The following DYRK2 variants were observed in gnomAD, a reference collection of about 807,000 sequenced individuals.
The protein encoded by DYRK2 is dual specificity tyrosine-phosphorylation-regulated kinase 2.
A neutral mutation model predicts 41.6 loss-of-function variants in DYRK2; 12 were observed. The ratio of observed to expected loss-of-function variants is 0.29; its 90% CI spans 0.18 to 0.47. DYRK2 has a LOEUF of 0.47. Among genes scored for constraint, DYRK2 ranks in the 20% least tolerant of loss-of-function variants. The probability of loss-of-function intolerance (pLI) is 1.00; values close to 1 mark genes in which losing one functional copy is unlikely to be tolerated. For missense variants in DYRK2, 678 were observed against 798.4 expected (o/e 0.85, Z 1.82); for synonymous variants, 322 against 315.7 (o/e 1.02, Z -0.21).
intron 2 of DYRK2, among the ~76,000 whole-genome samples, chr12:67,653,045 G>A (rs1224137671): frequency 7.0e-6 from 1 of 143,054 alleles, no homozygotes; most frequent in Non-Finnish European, 1.5e-5. Context: ...GGCCAGGTTG[G>A]TTATGAACTC....
chr12:67,656,887 C>T (rs766054369), intron 2 of DYRK2, among the ~76,000 whole-genome samples: 6 of 152,126 alleles, frequency 3.9e-5, no homozygotes, highest in East Asian at 3.8e-4. Flanking sequence ...TCTCTGTCTC[C>T]GTGGGGAACC....
intron 1 of DYRK2, 76 bp downstream of exon 1, chr12:67,649,258 G>T: frequency 8.5e-7 from 1 of 1,177,692 alleles, no homozygotes; most frequent in Non-Finnish European, 1.1e-6. Flanking sequence ...GCGGGCGGCC[G>T]CTGCCTGCGG....
At chr12:67,654,318 A>G (rs1299553531) in intron 2 of DYRK2, among the ~76,000 whole-genome samples, 1 of 152,226 alleles carries the variant, frequency 6.6e-6, no homozygotes, top group East Asian at 1.9e-4. Context: ...TAGCCTCTAC[A>G]TTTTAGAGCC....
At chr12:67,655,629 T>A (rs1872446073) in intron 2 of DYRK2, among the ~76,000 whole-genome samples, 1 of 152,182 alleles carries the variant, frequency 6.6e-6, no homozygotes, top group Non-Finnish European at 1.5e-5. Context: ...GAAGTCACAG[T>A]CAGACAGGCC....
rs1192820626 is a variant in DYRK2, at chr12:67,657,484, G to A, written c.577G>A (p.Gly193Ser). 1.2e-6 allele frequency: 2 copies of A among 1,613,992 alleles called. No individual in the cohort carries two copies. Among genetic ancestry groups the A allele is most frequent in the Non-Finnish European group, 1.7e-6 (2 of 1,180,028 alleles). Reference sequence around the variant, plus strand: ...GGGTCTAAATGCTAAGAAGCGCCAGGGCATGACAGGTGGGCCCAACAATGG... The same window carrying A: ...GGGTCTAAATGCTAAGAAGCGCCAGAGCATGACAGGTGGGCCCAACAATGG... ...FLGLNAKKRQ[G>S]MTGGPNNGGY... The change falls in exon 3 of 3, where the codon GGC becomes AGC. Residue 193 changes from glycine to serine, a missense_variant. Gly to Ser is a moderately conservative substitution (Grantham distance 56). Transcript: ENST00000344096. This position sits in a 1 kb window ranked among gnomAD's most constrained non-coding sequence, Gnocchi z 4.8.
rs920062044 is a variant in DYRK2, at chr12:67,648,810, C to T, written c.-324C>T. 1.6e-4 allele frequency: 29 copies of T among 181,736 alleles called. No homozygotes were observed. Among genetic ancestry groups the T allele is most frequent in the Non-Finnish European group, 2.9e-4 (26 of 88,550 alleles). The allele number at this position is 181,736 out of a possible 1,614,324, so 11.3% of individuals were successfully genotyped here. On this transcript the variant is annotated 5_prime_UTR_variant, in exon 1 of 3. Transcript: ENST00000344096. ...CGGTCCTCGCAGCGCTTCCAGCTCCCCGCGCCCCTATGTGAGGGAGACGGG... is the reference window on the plus strand; with the variant it reads ...CGGTCCTCGCAGCGCTTCCAGCTCCTCGCGCCCCTATGTGAGGGAGACGGG...
In DYRK2 at chr12:67,660,984, A is replaced by C. The variant is rs928465431; in HGVS notation, c.*2271A>C. Reference sequence around the variant, plus strand: ...GACTAATACTGCTTGTCTTTCCCCCACCGCACAAAACTGGTTCTTAAGATG... The same window carrying C: ...GACTAATACTGCTTGTCTTTCCCCCCCCGCACAAAACTGGTTCTTAAGATG... On this transcript the variant is annotated 3_prime_UTR_variant, in exon 3 of 3. Coordinates refer to ENST00000344096, the MANE Select transcript of DYRK2 (RefSeq NM_006482.3). 1 of 166,902 alleles carries C rather than the reference A, an allele frequency of 6.0e-6. No individual in the cohort carries two copies. The highest frequency in any genetic ancestry group is 6.6e-5 in the Admixed American group (1 of 15,264). 10.3% of individuals were successfully genotyped at this position (166,902 alleles called of 1,614,324 possible). A position where few individuals can be genotyped will look rare whatever the true frequency, so the allele number is the denominator to read the frequency against.
In DYRK2 at chr12:67,649,082, G is replaced by C. The variant is rs1872222169; in HGVS notation, c.-52G>C. The stretch of plus-strand genomic sequence containing the variant: ...GCGGCGGCCGCCAGAAGTAGCAGCA[G>C]GACCGGCGGCGGCGACGGCAGCCCT... On this transcript the variant is annotated 5_prime_UTR_variant, in exon 1 of 3. Transcript: ENST00000344096. 6.9e-7 allele frequency: 1 copy of C among 1,440,318 alleles called. No individual in the cohort carries two copies. The highest frequency in any genetic ancestry group is 1.5e-5 in the African/African-American group (1 of 67,716). 89.2% of individuals were successfully genotyped at this position (1,440,318 alleles called of 1,614,324 possible).
chr12:67,657,987 T>C lies in DYRK2; in HGVS notation c.1080T>C (p.Gly360=). ...AGAACATTTTGTTAAAGCAGCAGGG[T>C]AGAAGCGGTATTAAAGTAATTGATT... ...KPENILLKQQ[G]RSGIKVIDFG... Residue 360 remains glycine (G), a synonymous_variant, in exon 3 of 3, where the codon GGT becomes GGC. Coordinates refer to ENST00000344096, the MANE Select transcript of DYRK2 (RefSeq NM_006482.3). The surrounding 1 kb of genome is among the most constrained non-coding windows in gnomAD (Gnocchi z 4.8). 6.2e-7 allele frequency: 1 copy of C among 1,614,220 alleles called. No homozygotes were observed. Among genetic ancestry groups the C allele is most frequent in the Non-Finnish European group, 8.5e-7 (1 of 1,180,028 alleles).
At chr12:67,652,899 G>A (rs563288978) in intron 2 of DYRK2, among the ~76,000 whole-genome samples, 2 of 152,082 alleles carry the variant, frequency 1.3e-5, no homozygotes, top group East Asian at 1.9e-4. Context: ...GCTCCATCTC[G>A]GCTCACTGCA....
chr12:67,649,202 G>A lies in DYRK2; in HGVS notation c.49+20G>A, dbSNP rs141665168. ...CGACCGGTAAGGAGGCCGTGCCGCCGCGCCGCATCCCCGGACCCCCGCCGG... is the reference window on the plus strand; with the variant it reads ...CGACCGGTAAGGAGGCCGTGCCGCCACGCCGCATCCCCGGACCCCCGCCGG... On this transcript the variant is annotated intron_variant, in intron 1 of 2. Transcript: ENST00000344096. The A allele has an allele frequency of 0.087, 129,638 of 1,484,356 alleles. 6,486 individuals carry two copies. The highest frequency in any genetic ancestry group is 0.22 in the East Asian group (7,410 of 34,162). The allele number at this position is 1,484,356 out of a possible 1,614,324, so 91.9% of individuals were successfully genotyped here. A position where few individuals can be genotyped will look rare whatever the true frequency, so the allele number is the denominator to read the frequency against.
At chr12:67,650,760 A>T (rs2120810611) in intron 2 of DYRK2, among the ~76,000 whole-genome samples, 1 of 152,288 alleles carries the variant, frequency 6.6e-6, no homozygotes, top group Non-Finnish European at 1.5e-5. Context: ...TTGGATGGTG[A>T]TGGCCAGCCT....
rs532654811 is a variant in DYRK2 at position 67,659,829 on chromosome 12, C to T, written c.*1116C>T. ...AAATCCTCTGGACGAACAGAAGTCACTTTGGCTGTTCAGTAAGGCCAATGT... is the reference window on the plus strand; with the variant it reads ...AAATCCTCTGGACGAACAGAAGTCATTTTGGCTGTTCAGTAAGGCCAATGT... On this transcript the variant is annotated 3_prime_UTR_variant, in exon 3 of 3. Coordinates refer to ENST00000344096, the MANE Select transcript of DYRK2 (RefSeq NM_006482.3). 1.2e-5 allele frequency: 2 copies of T among 167,170 alleles called. No homozygotes were observed. Among genetic ancestry groups the T allele is most frequent in the Non-Finnish European group, 2.9e-5 (2 of 68,100 alleles). 10.4% of individuals were successfully genotyped at this position (167,170 alleles called of 1,614,324 possible). A position where few individuals can be genotyped will look rare whatever the true frequency, so the allele number is the denominator to read the frequency against.
At chr12:67,650,043 G>A (rs1028433392) in intron 2 of DYRK2, 98 bp downstream of exon 2, 12 of 1,203,054 alleles carry the variant, frequency 1.0e-5, no homozygotes, top group Non-Finnish European at 1.2e-5. Flanking sequence ...GGAGAAGAGG[G>A]GTCGAGATAC....
At chr12:67,651,654 T>C in intron 2 of DYRK2, 1 of 454,914 alleles carries the variant, frequency 2.2e-6, no homozygotes. Flanking sequence ...TGCTTGACTT[T>C]GAAGGTGTGA....
In DYRK2 at chr12:67,662,911, A is replaced by G. The variant is rs776386586; in HGVS notation, c.*4198A>G. 2 of 152,148 alleles carry G rather than the reference A, an allele frequency of 1.3e-5. No homozygotes were observed. The highest frequency in any genetic ancestry group is 4.8e-5 in the African/African-American group (2 of 41,448). The allele number at this position is 152,148 out of a possible 1,614,324, so 9.4% of individuals were successfully genotyped here. On this transcript the variant is annotated 3_prime_UTR_variant, in exon 3 of 3. Transcript: ENST00000344096. ...GTTCTTGCTTTTCCCAGGATATTCT[A>G]TTCCTTCACCTGTCAGATTTTTATG...
chr12:67,649,295 C>G (rs1209142269), intron 1 of DYRK2, 113 bp downstream of exon 1: 3 of 868,426 alleles, frequency 3.5e-6, no homozygotes, highest in East Asian at 8.4e-5. Flanking sequence ...GGCGGCGCGG[C>G]GCGGGGGAGC....
At chr12:67,654,670 C>A (rs1872415629) in intron 2 of DYRK2, among the ~76,000 whole-genome samples, 1 of 151,952 alleles carries the variant, frequency 6.6e-6, no homozygotes, top group Admixed American at 6.5e-5. Context: ...AGGTGGATAG[C>A]CTGAGTGACA....
chr12:67,651,660 T>C (rs1174214637), intron 2 of DYRK2: 1 of 455,112 alleles, frequency 2.2e-6, no homozygotes, highest in Admixed American at 2.4e-5. Context: ...ACTTTGAAGG[T>C]GTGAATTTGG....
Sources: allele counts gnomAD v4.1 joint callset (sites outside exome capture counted in the v4.1 genomes callset), GRCh38; gene constraint gnomAD v4.1.1; non-coding constraint Gnocchi (gnomAD v3.1); transcripts MANE v1.5; gene names NCBI Gene and HGNC (gene_info 2026-07-23, HGNC 2026-07-21).